FBXO41: variants seen among roughly 807,000 people sequenced by gnomAD.
FBXO41 encodes the protein F-box protein 41, also known as F-box only protein 41.
In FBXO41, 33 loss-of-function variants were observed where a neutral mutation model predicts 81.6. The observed-to-expected ratio is 0.40, with a 90% CI of 0.31 to 0.54. The LOEUF (loss-of-function observed/expected upper bound fraction) is 0.54, where lower values mean the gene tolerates loss of function less well. FBXO41 is among the 20% of genes least tolerant of loss of function. The pLI is 0.39. For missense variants in FBXO41, 1,107 were observed against 1,236.0 expected (o/e 0.90, Z 1.56); for synonymous variants, 576 against 552.7 (o/e 1.04, Z -0.59).
Position 73,256,322 on chromosome 2 carries a change from A to G in FBXO41, c.*2660T>C, listed in dbSNP as rs1333188348. 2 of 152,302 alleles carry G rather than the reference A, an allele frequency of 1.3e-5. No individual in the cohort carries two copies. The highest frequency in any genetic ancestry group is 4.8e-5 in the African/African-American group (2 of 41,444). 9.4% of individuals were successfully genotyped at this position (152,302 alleles called of 1,614,324 possible). A position where few individuals can be genotyped will look rare whatever the true frequency, so the allele number is the denominator to read the frequency against. ...CTCAGCCCTAGCTGTATGGTCACCA[A>G]AAAAATCCATGCATAGAGCCTCCCA... On this transcript the variant is annotated 3_prime_UTR_variant, in exon 13 of 13. Transcript: ENST00000520530.
At position 73,266,408 on chromosome 2, in the gene FBXO41, T is replaced by TG; in HGVS notation, c.1131+48dup. The stretch of plus-strand genomic sequence containing the variant: ...TCCAGCCATGTGAAAGGTGAGGTTG[T>TG]GGGGGGCCAGGTGTGCAGGTAGAGG... On this transcript the variant is annotated intron_variant, in intron 3 of 12. Transcript: ENST00000520530. This position sits in a 1 kb window ranked among gnomAD's most constrained non-coding sequence, Gnocchi z 5.3. 4 of 1,441,038 alleles carry TG rather than the reference T, an allele frequency of 2.8e-6. No individual in the cohort carries two copies. Among genetic ancestry groups the TG allele is most frequent in the Non-Finnish European group, 3.7e-6 (4 of 1,090,130 alleles). The allele number at this position is 1,441,038 out of a possible 1,614,324, so 89.3% of individuals were successfully genotyped here.
Position 73,269,152 on chromosome 2 carries a change from C to G in FBXO41, c.479G>C (p.Arg160Pro), listed in dbSNP as rs866645367. 6.6e-7 allele frequency: 1 copy of G among 1,522,696 alleles called. No homozygotes were observed. The highest frequency in any genetic ancestry group is 1.4e-5 in the African/African-American group (1 of 70,074). 94.3% of individuals were successfully genotyped at this position (1,522,696 alleles called of 1,614,324 possible). A position where few individuals can be genotyped will look rare whatever the true frequency, so the allele number is the denominator to read the frequency against. Residue 160 changes from arginine (R) to proline (P), a missense_variant, in exon 2 of 13, where the codon CGC becomes CCC. Arg to Pro is a moderately radical substitution (Grantham distance 103). This residue lies in a region of FBXO41 where 771 missense variants were observed against 789.2 expected (regional missense o/e 0.98). Coordinates refer to ENST00000520530, the MANE Select transcript of FBXO41 (RefSeq NM_001371389.2). This position sits in a 1 kb window ranked among gnomAD's most constrained non-coding sequence, Gnocchi z 7.0. ...IEIPLGELFA[R>P]KSVASSACST... ...GCACGCCGAGGACGCCACGGACTTG[C>G]GGGCGAACAGCTCCCCCAGCGGGAT...
In FBXO41 at chr2:73,264,516, C is replaced by T. The variant is rs61733550; in HGVS notation, c.1568G>A (p.Arg523His). Residue 523 changes from arginine to histidine, a missense_variant, in exon 6 of 13, where the codon CGC becomes CAC. Arg to His is a conservative substitution (Grantham distance 29). This residue lies in a region of FBXO41 where 771 missense variants were observed against 789.2 expected (regional missense o/e 0.98). Coordinates refer to ENST00000520530, the MANE Select transcript of FBXO41 (RefSeq NM_001371389.2). ...GPLSSCRLSARPEGGSGRGRR... is the reference protein window; with the variant it reads ...GPLSSCRLSAHPEGGSGRGRR... ...ACCCCGCCCACTGCCTCCCTCGGGG[C>T]GGGCTGCAGAATACCAGGGGTTCAA... 33,501 of 1,613,306 alleles carry T rather than the reference C, an allele frequency of 0.021. 482 individuals carry two copies. Among genetic ancestry groups the T allele is most frequent in the African/African-American group, 0.048 (3,597 of 74,992 alleles).
chr2:73,271,202 A>G (rs375174395), intron 1 of FBXO41: 2 of 332,038 alleles, frequency 6.0e-6, no homozygotes, highest in African/African-American at 4.3e-5. Flanking sequence ...GCATTTCCAC[A>G]GGATGTATGG....
chr2:73,272,642 C>T (rs1352080930), intron 1 of FBXO41, among the ~76,000 whole-genome samples: 1 of 152,172 alleles, frequency 6.6e-6, no homozygotes, highest in East Asian at 1.9e-4. Flanking sequence ...TTTGCTTTGC[C>T]CTGTGGCAGA....
Position 73,259,581 on chromosome 2 carries a change from G to C in FBXO41, c.2450-285C>G, listed in dbSNP as rs1245182826. ...CTGACACAGGGGGCAGCTATACCAT[G>C]GTCTGGGCATTTGGGGATGAATGGC... On this transcript the variant is annotated intron_variant, in intron 11 of 12. Coordinates refer to ENST00000520530, the MANE Select transcript of FBXO41 (RefSeq NM_001371389.2). This position sits in a 1 kb window ranked among gnomAD's most constrained non-coding sequence, Gnocchi z 4.2. 6.6e-6 allele frequency among the ~76,000 whole-genome samples: 1 copy of C among 152,180 alleles called. No homozygotes were observed. The highest frequency in any genetic ancestry group is 1.9e-4 in the East Asian group (1 of 5,186).
At chr2:73,272,904 GCCCCTATGGTTGCCCTGAACCT>G (rs910063539) in intron 1 of FBXO41, 1 of 152,216 alleles carries the variant, frequency 6.6e-6, no homozygotes, top group African/African-American at 2.4e-5. Flanking sequence ...GGATTGCTCA[GCCCCTATGGTTGCCCTGAACCT>G]CCCCAAACAT....
In FBXO41 at chr2:73,260,408, C is replaced by G; in HGVS notation, c.2430G>C (p.Lys810Asn). The change falls in exon 11 of 13, where the codon AAG (lysine) becomes AAC (asparagine). Residue 810 changes from lysine to asparagine, a missense_variant. Around this residue, in one of 2 missense-constraint regions of FBXO41, gnomAD observed 336 missense variants for 446.7 expected, o/e 0.75. Transcript: ENST00000520530. The surrounding 1 kb of genome is among the most constrained non-coding windows in gnomAD (Gnocchi z 5.0). ...LVLTATPVTP[K>N]ALLHFNSICR... ...GCTCACTGTTGAAGTGCAGTAGGGCCTTAGGGGTGACGGGAGTCGCCGTGA... is the reference window on the plus strand; with the variant it reads ...GCTCACTGTTGAAGTGCAGTAGGGCGTTAGGGGTGACGGGAGTCGCCGTGA... 6.2e-7 allele frequency: 1 copy of G among 1,612,814 alleles called. No homozygotes were observed.
chr2:73,274,725 A>ATT (rs60939012), intron 1 of FBXO41, among the ~76,000 whole-genome samples: 28 of 150,788 alleles, frequency 1.9e-4, no homozygotes, highest in African/African-American at 6.3e-4. Flanking sequence ...TTCCTTTTGG[A>ATT]TTTTTTTTTG....
rs150082217 is a variant in FBXO41 at position 73,269,987 on chromosome 2, C to T, written c.-138-219G>A. ...TAATCTGTTTTTAAAGGGGCAGGCGCGTAATCACTTTTATTTATAATGGTT... is the reference window on the plus strand; with the variant it reads ...TAATCTGTTTTTAAAGGGGCAGGCGTGTAATCACTTTTATTTATAATGGTT... On this transcript the variant is annotated intron_variant, in intron 1 of 12. Transcript: ENST00000520530. The surrounding 1 kb of genome is among the most constrained non-coding windows in gnomAD (Gnocchi z 7.0). 1.1e-4 allele frequency among the ~76,000 whole-genome samples: 17 copies of T among 152,182 alleles called. No individual in the cohort carries two copies. The East Asian group carries it at 3.3e-3, about 29-fold the overall frequency.
At chr2:73,276,052 C>T (rs1226100604) in intron 1 of FBXO41, among the ~76,000 whole-genome samples, 1 of 151,238 alleles carries the variant, frequency 6.6e-6, no homozygotes, top group African/African-American at 2.4e-5. Flanking sequence ...TCCCAAAGTG[C>T]TAGGATTACA....
intron 1 of FBXO41, among the ~76,000 whole-genome samples, chr2:73,273,313 A>AT (rs143409023): frequency 0.015 from 2,236 of 151,466 alleles, 27 homozygotes; most frequent in Non-Finnish European, 0.023. Context: ...ACAGGAAAAT[A>AT]TTTTTTAAAA....
At chr2:73,275,682 C>T (rs1331799937) in intron 1 of FBXO41, among the ~76,000 whole-genome samples, 3 of 152,208 alleles carry the variant, frequency 2.0e-5, no homozygotes, top group Non-Finnish European at 4.4e-5. Context: ...CACACTACTT[C>T]CCTGCGTCAC....
chr2:73,278,017 C>G (rs895196781), intron 1 of FBXO41, among the ~76,000 whole-genome samples: 1 of 152,166 alleles, frequency 6.6e-6, no homozygotes, highest in Non-Finnish European at 1.5e-5. Flanking sequence ...ATCTTCTTGG[C>G]CACAGTGATT....
At chr2:73,265,126 T>TG (rs1688194858) in intron 5 of FBXO41, among the ~76,000 whole-genome samples, 156 bp downstream of exon 5, 2 of 152,250 alleles carry the variant, frequency 1.3e-5, no homozygotes, top group Admixed American at 1.3e-4. Context: ...CTTGTGCCAC[T>TG]GCAGCCCTGC....
chr2:73,277,846 C>T (rs1281845146), intron 1 of FBXO41, among the ~76,000 whole-genome samples: 3 of 152,226 alleles, frequency 2.0e-5, no homozygotes, highest in Non-Finnish European at 4.4e-5. Context: ...GTGGGCATTA[C>T]GATTTTCATC....
At position 73,259,149 on chromosome 2, in the gene FBXO41, G is replaced by A. The variant is rs115044409; in HGVS notation, c.2565+32C>T. 2.0e-4 allele frequency: 315 copies of A among 1,613,252 alleles called. 3 individuals carry two copies. The African/African-American group carries it at 4.0e-3, about 20-fold the overall frequency. On this transcript the variant is annotated intron_variant, in intron 12 of 12. Coordinates refer to ENST00000520530, the MANE Select transcript of FBXO41 (RefSeq NM_001371389.2). The surrounding 1 kb of genome is among the most constrained non-coding windows in gnomAD (Gnocchi z 4.2). ...GCCCCAGTCTAGGGATGCCACTTGG[G>A]GTCTTGGACAGCCTCAGAGCTGACC...
intron 1 of FBXO41, among the ~76,000 whole-genome samples, chr2:73,274,327 T>G (rs370097053): frequency 6.6e-6 from 1 of 152,278 alleles, no homozygotes; most frequent in African/African-American, 2.4e-5. Context: ...GCCTGTGCAC[T>G]ACTTTGCTCA....
In FBXO41 at chr2:73,259,222, C is replaced by G. The variant is rs1687922022; in HGVS notation, c.2524G>C (p.Glu842Gln). 2 of 1,614,044 alleles carry G rather than the reference C, an allele frequency of 1.2e-6. No individual in the cohort carries two copies. Among genetic ancestry groups the G allele is most frequent in the Non-Finnish European group, 1.7e-6 (2 of 1,179,890 alleles). ...ADYFKEPSSP[E>Q]AQKLFEDMVT... The stretch of plus-strand genomic sequence containing the variant: ...ATGTCCTCAAACAGCTTCTGGGCCT[C>G]AGGGCTGCTGGGCTCTTTGAAATAA... Residue 842 changes from glutamate to glutamine, a missense_variant, in exon 12 of 13, where the codon GAG becomes CAG. By Grantham distance (29) the Glu-to-Gln change is conservative. This residue lies in a region of FBXO41 where 336 missense variants were observed against 446.7 expected (regional missense o/e 0.75). Coordinates refer to ENST00000520530, the MANE Select transcript of FBXO41 (RefSeq NM_001371389.2). This position sits in a 1 kb window ranked among gnomAD's most constrained non-coding sequence, Gnocchi z 4.2.
Sources: gnomAD v4.1 joint callset for allele counts (sites outside exome capture counted in the v4.1 genomes callset) on GRCh38, gnomAD v4.1.1 for gene constraint, gnomAD v4.1.1 regional missense constraint, Gnocchi (gnomAD v3.1) non-coding constraint, MANE v1.5 for transcripts, NCBI Gene and HGNC (gene_info 2026-07-23, HGNC 2026-07-21) for gene names.